Variants in SMYD3 observed in about 807,000 individuals in gnomAD.
SMYD3 encodes SET and MYND domain containing 3.
In SMYD3, 36 loss-of-function variants were observed where a neutral mutation model predicts 57.7. The observed-to-expected ratio is 0.62, with a 90% CI of 0.48 to 0.82. The LOEUF (loss-of-function observed/expected upper bound fraction) is 0.82. Among genes scored for constraint, SMYD3 ranks in the 40% least tolerant of loss-of-function variants. SMYD3 has a pLI of 0.00. For missense variants in SMYD3, 515 were observed against 538.8 expected (o/e 0.96, Z 0.44); for synonymous variants, 211 against 195.0 (o/e 1.08, Z -0.68).
At chr1:246,055,610 C>T (rs1270338697) in intron 5 of SMYD3, among the ~76,000 whole-genome samples, 1 of 152,130 alleles carries the variant, frequency 6.6e-6, no homozygotes, top group Non-Finnish European at 1.5e-5. Context: ...CCCAAATATG[C>T]ATCAACAGAT....
intron 5 of SMYD3, among the ~76,000 whole-genome samples, chr1:246,083,510 G>GCGCGGGTCCTCCATATGCTGA (rs1553283939): frequency 7.0e-6 from 1 of 142,016 alleles, no homozygotes; most frequent in Non-Finnish European, 1.5e-5. Flanking sequence ...GGCTGGTGCC[G>GCGCGGGTCCTCCATATGCTGA]GCGCGGGTCC....
In SMYD3 at chr1:246,316,462, G is replaced by A. The variant is rs11590229; in HGVS notation, c.531+10739C>T. On this transcript the variant is annotated intron_variant, in intron 5 of 11. Coordinates refer to ENST00000490107, the MANE Select transcript of SMYD3 (RefSeq NM_001167740.2). ...GCAACCTCCCCCTCCCAGGTTCAAG[G>A]GAGTCTCATGCCTCAGCATTCTGAG... Among the ~76,000 whole-genome samples the A allele has an allele frequency of 3.1e-4, 46 of 148,702 alleles. No homozygotes were observed. In the South Asian group the frequency reaches 7.4e-3, roughly 24 times the overall value.
intron 5 of SMYD3, among the ~76,000 whole-genome samples, chr1:246,261,807 C>T (rs1294551930): frequency 6.6e-6 from 1 of 152,206 alleles, no homozygotes; most frequent in African/African-American, 2.4e-5. Context: ...GAATGACATT[C>T]TGTACAGATG....
chr1:246,245,429 C>T (rs371539120), intron 5 of SMYD3, among the ~76,000 whole-genome samples: 78 of 151,976 alleles, frequency 5.1e-4, no homozygotes, highest in African/African-American at 1.7e-3. Context: ...GGTGACAGAA[C>T]GAGACTCTGT....
chr1:246,421,494 T>C (rs1039250124), intron 1 of SMYD3, among the ~76,000 whole-genome samples: 2 of 152,010 alleles, frequency 1.3e-5, no homozygotes, highest in African/African-American at 4.8e-5. Flanking sequence ...CAAGATGACC[T>C]TAAAATGAAA....
chr1:246,142,003 T>C (rs2061765195), intron 5 of SMYD3, among the ~76,000 whole-genome samples: 1 of 152,244 alleles, frequency 6.6e-6, no homozygotes, highest in East Asian at 1.9e-4. Flanking sequence ...GCTCAGAAGA[T>C]AGCAGTCACT....
chr1:246,186,974 C>T (rs778005901), intron 5 of SMYD3: 8 of 970,228 alleles, frequency 8.2e-6, no homozygotes, highest in South Asian at 4.8e-5. Flanking sequence ...TGAGGAAACA[C>T]GAAAGAAGAA....
intron 5 of SMYD3, among the ~76,000 whole-genome samples, chr1:245,995,337 C>G (rs1328072866): frequency 6.6e-6 from 1 of 152,210 alleles, no homozygotes; most frequent in South Asian, 2.1e-4. Flanking sequence ...CGCATTAATT[C>G]ATTTGTTGAT....
At chr1:246,090,874 T>C (rs1241099352) in intron 5 of SMYD3, among the ~76,000 whole-genome samples, 2 of 152,084 alleles carry the variant, frequency 1.3e-5, no homozygotes, top group African/African-American at 4.8e-5. Context: ...TGTGTTCATG[T>C]CCTAAATTTT....
chr1:246,414,628 C>A (rs987256675), intron 1 of SMYD3, among the ~76,000 whole-genome samples: 1 of 151,512 alleles, frequency 6.6e-6, no homozygotes, highest in Admixed American at 6.6e-5. Context: ...AATGCACACA[C>A]ACACACAAAT....
chr1:246,036,594 C>T (rs557315292), intron 5 of SMYD3, among the ~76,000 whole-genome samples: 1 of 149,060 alleles, frequency 6.7e-6, no homozygotes, highest in East Asian at 1.9e-4. Flanking sequence ...CGCTTTGTTG[C>T]CCAGGCTGGA....
intron 5 of SMYD3, among the ~76,000 whole-genome samples, chr1:246,056,997 G>A (rs1383265475): frequency 6.6e-6 from 1 of 152,142 alleles, no homozygotes; most frequent in Non-Finnish European, 1.5e-5. Flanking sequence ...ACTGCAAAAT[G>A]CGGATTATAA....
At chr1:246,338,918 G>A (rs1353600112) in intron 2 of SMYD3, among the ~76,000 whole-genome samples, 1 of 152,158 alleles carries the variant, frequency 6.6e-6, no homozygotes, top group African/African-American at 2.4e-5. Flanking sequence ...AACCAAAGGA[G>A]CCAGACATTC....
intron 5 of SMYD3, among the ~76,000 whole-genome samples, chr1:246,168,971 GGTCCAATT>G (rs1223028882): frequency 6.6e-6 from 1 of 151,938 alleles, no homozygotes; most frequent in Non-Finnish European, 1.5e-5. Context: ...TATGTACTCT[GGTCCAATT>G]AAATTTCCCA....
rs1363723417 is a variant in SMYD3 at position 246,072,149 on chromosome 1, T to C, written c.532-142212A>G. 1.4e-5 allele frequency among the ~76,000 whole-genome samples: 2 copies of C among 138,462 alleles called. 1 individual carries two copies. Among genetic ancestry groups the C allele is most frequent in the Admixed American group, 1.4e-4 (2 of 14,200 alleles). The allele number at this position is 138,462 out of a possible 152,430, so 90.8% of individuals were successfully genotyped here. A position where few individuals can be genotyped will look rare whatever the true frequency, so the allele number is the denominator to read the frequency against. On this transcript the variant is annotated intron_variant, in intron 5 of 11. Coordinates refer to ENST00000490107, the MANE Select transcript of SMYD3 (RefSeq NM_001167740.2). The stretch of plus-strand genomic sequence containing the variant: ...TAGTTCTGGGGAGGGATTCGTGTGC[T>C]TTCCACTGTGCTCACTGTCTTTGCA...
intron 5 of SMYD3, among the ~76,000 whole-genome samples, chr1:245,961,538 T>TG (rs2058007664): frequency 1.1e-3 from 1 of 888 alleles, no homozygotes; most frequent in Non-Finnish European, 7.6e-3. Flanking sequence ...ACTGGAGGCC[T>TG]AAATCATCCT....
chr1:246,424,765 T>C (rs2067191898), intron 1 of SMYD3, among the ~76,000 whole-genome samples: 1 of 152,200 alleles, frequency 6.6e-6, no homozygotes, highest in African/African-American at 2.4e-5. Flanking sequence ...CAGTTGAGGA[T>C]TTGTAAAAAG....
At chr1:246,172,114 G>A (rs1490488798) in intron 5 of SMYD3, among the ~76,000 whole-genome samples, 5 of 152,226 alleles carry the variant, frequency 3.3e-5, no homozygotes, top group African/African-American at 9.6e-5. Flanking sequence ...GTGAATGAGC[G>A]AGTGGCAGGT....
At chr1:246,500,286 A>G (rs2068437424) in intron 1 of SMYD3, among the ~76,000 whole-genome samples, 1 of 152,236 alleles carries the variant, frequency 6.6e-6, no homozygotes, top group Non-Finnish European at 1.5e-5. Context: ...GACTTGGTCT[A>G]CATCCCACCA....
Sources: gnomAD v4.1 joint callset for allele counts (sites outside exome capture counted in the v4.1 genomes callset) on GRCh38, gnomAD v4.1.1 for gene constraint, MANE v1.5 for transcripts, NCBI Gene and HGNC (gene_info 2026-07-23, HGNC 2026-07-21) for gene names.